Variants in RUVBL1 observed in about 807,000 individuals in gnomAD.
RUVBL1 encodes the protein ruvB-like 1.
Under a neutral mutation model 52.4 loss-of-function variants are expected in RUVBL1, and 4 were observed. That is an observed-to-expected ratio of 0.08 (90% CI 0.04 to 0.17). The LOEUF is 0.17. Among genes scored for constraint, RUVBL1 ranks in the 10% least tolerant of loss-of-function variants. The pLI is 1.00. For missense variants in RUVBL1, 298 were observed against 572.8 expected (o/e 0.52, Z 4.90); for synonymous variants, 217 against 214.4 (o/e 1.01, Z -0.10).
chr3:128,137,406 A>G (rs1367921054), intron 1 of RUVBL1, among the ~76,000 whole-genome samples: 1 of 152,206 alleles, frequency 6.6e-6, no homozygotes. Context: ...AGCAACTACT[A>G]TGAACAACTA....
chr3:128,126,301 T>A (rs1045663034), upstream of RUVBL1, among the ~76,000 whole-genome samples: 1 of 152,002 alleles, frequency 6.6e-6, no homozygotes, highest in Admixed American at 6.6e-5. Context: ...ATCCCAGCAC[T>A]CTGGGAGGCC....
rs1942007880 is a variant in RUVBL1 at position 128,067,240 on chromosome 3, C to T, written c.940-2020G>A. 7.3e-7 allele frequency: 1 copy of T among 1,378,094 alleles called. No individual in the cohort carries two copies. The highest frequency in any genetic ancestry group is 1.8e-5 in the Admixed American group (1 of 54,774). 85.4% of individuals were successfully genotyped at this position (1,378,094 alleles called of 1,614,324 possible). On this transcript the variant is annotated intron_variant, in intron 9 of 9. Transcript: ENST00000464873. The surrounding 1 kb of genome is among the most constrained non-coding windows in gnomAD (Gnocchi z 4.1). ...CTTGCTCATGAACAGATATTTCATC[C>T]AAAGATATTTTCCATTGTGCCTTTT...
Position 128,067,657 on chromosome 3 carries a change from T to A in RUVBL1, c.940-2437A>T. Reference sequence around the variant, plus strand: ...TCTGGAAGGGTGATGAAAGTGTGACTGGTATAAGGGGTGTGGACTTGTCAC... The same window carrying A: ...TCTGGAAGGGTGATGAAAGTGTGACAGGTATAAGGGGTGTGGACTTGTCAC... On this transcript the variant is annotated intron_variant, in intron 9 of 9. Coordinates refer to the RUVBL1 transcript ENST00000464873. This position sits in a 1 kb window ranked among gnomAD's most constrained non-coding sequence, Gnocchi z 4.1. The A allele has an allele frequency of 6.9e-7, 1 of 1,453,324 alleles. No homozygotes were observed. The highest frequency in any genetic ancestry group is 9.5e-7 in the Non-Finnish European group (1 of 1,048,006). 90.0% of individuals were successfully genotyped at this position (1,453,324 alleles called of 1,614,324 possible).
chr3:128,097,508 G>C lies in RUVBL1; in HGVS notation c.818-10C>G. Reference sequence around the variant, plus strand: ...TCCCCTCGAAGTTTGTCTAGGAGATGCAAGGATGGGCAGGCAAGGTCAGCA... The same window carrying C: ...TCCCCTCGAAGTTTGTCTAGGAGATCCAAGGATGGGCAGGCAAGGTCAGCA... On this transcript the variant is annotated splice_polypyrimidine_tract_variant and intron_variant, in intron 7 of 10. Coordinates refer to ENST00000322623, the MANE Select transcript of RUVBL1 (RefSeq NM_003707.3). The C allele has an allele frequency of 1.2e-6, 2 of 1,613,658 alleles. No individual in the cohort carries two copies. The highest frequency in any genetic ancestry group is 1.7e-6 in the Non-Finnish European group (2 of 1,179,560).
At chr3:128,153,425 G>A (rs867589252) in exon 1 of RUVBL1, 2 of 1,419,774 alleles carry the variant, frequency 1.4e-6, no homozygotes, top group Admixed American at 3.1e-5. Flanking sequence ...GTTACGGGGG[G>A]GCAACTTAAC....
upstream of RUVBL1, chr3:128,123,925 G>A (rs1943722977): frequency 2.4e-6 from 3 of 1,239,114 alleles, no homozygotes; most frequent in South Asian, 3.1e-5. Flanking sequence ...TAGAGCTCCG[G>A]TCACCCACTT....
At position 128,081,630 on chromosome 3, in the gene RUVBL1, A is replaced by C. The variant is rs1942479203; in HGVS notation, c.1212-221T>G. On this transcript the variant is annotated intron_variant, in intron 10 of 10. Transcript: ENST00000322623. This position sits in a 1 kb window ranked among gnomAD's most constrained non-coding sequence, Gnocchi z 4.8. ...GTCCAGGAGCCACCAAGAAGACATAAGTGCTATTCCCCAAATCTTTAGTAC... is the reference window on the plus strand; with the variant it reads ...GTCCAGGAGCCACCAAGAAGACATACGTGCTATTCCCCAAATCTTTAGTAC... 2 of 534,348 alleles carry C rather than the reference A, an allele frequency of 3.7e-6. No homozygotes were observed. Among genetic ancestry groups the C allele is most frequent in the South Asian group, 2.7e-5 (1 of 37,264 alleles). 33.1% of individuals were successfully genotyped at this position (534,348 alleles called of 1,614,324 possible).
At chr3:128,093,924 G>A (rs1311337950) in intron 8 of RUVBL1, among the ~76,000 whole-genome samples, 1 of 152,162 alleles carries the variant, frequency 6.6e-6, no homozygotes, top group Non-Finnish European at 1.5e-5. Context: ...CTTGGGGGCT[G>A]CTTGTCAAGG....
chr3:128,076,793 C>T (rs1020571330), downstream of RUVBL1, among the ~76,000 whole-genome samples: 2 of 152,100 alleles, frequency 1.3e-5, no homozygotes, highest in African/African-American at 2.4e-5. The surrounding 1 kb of genome is among the most constrained non-coding windows in gnomAD (Gnocchi z 6.8). Context: ...CCGTTCCCTG[C>T]ATGCGGCTCC....
Position 128,150,992 on chromosome 3 carries a change from ATT to A in RUVBL1, c.-40+2209_-40+2210del, listed in dbSNP as rs1330189550. 4.2e-4 allele frequency among the ~76,000 whole-genome samples: 35 copies of A among 83,416 alleles called. No homozygotes were observed. The South Asian group carries it at 5.9e-3, about 14-fold the overall frequency. 54.7% of individuals were successfully genotyped at this position (83,416 alleles called of 152,430 possible). A position where few individuals can be genotyped will look rare whatever the true frequency, so the allele number is the denominator to read the frequency against. ...ATTATATATTATATATTCTATATAT[ATT>A]ATATATATTATATTATATATTATAT... On this transcript the variant is annotated intron_variant, in intron 1 of 9. Transcript: ENST00000464873.
rs1469182310 is a variant in RUVBL1 at position 128,067,440 on chromosome 3, C to T, written c.940-2220G>A. On this transcript the variant is annotated intron_variant, in intron 9 of 9. Coordinates refer to the RUVBL1 transcript ENST00000464873. The surrounding 1 kb of genome is among the most constrained non-coding windows in gnomAD (Gnocchi z 4.1). ...CCCCAGGACACGTCTTCTGGGGGCC[C>T]AGCACGTGCTTATCCAGTTGGTGGC... 5.0e-6 allele frequency: 8 copies of T among 1,613,310 alleles called. No individual in the cohort carries two copies. The highest frequency in any genetic ancestry group is 6.8e-6 in the Non-Finnish European group (8 of 1,179,804).
At chr3:128,114,520 C>T (rs1460900783) in intron 2 of RUVBL1, among the ~76,000 whole-genome samples, 1 of 152,192 alleles carries the variant, frequency 6.6e-6, no homozygotes, top group African/African-American at 2.4e-5. Flanking sequence ...TACTAAAGTG[C>T]CATGCTAGAT....
At chr3:128,121,828 T>C (rs1943658152) in intron 1 of RUVBL1, among the ~76,000 whole-genome samples, 1 of 152,092 alleles carries the variant, frequency 6.6e-6, no homozygotes, top group South Asian at 2.1e-4. Context: ...TTACAAACCT[T>C]GGAGATGTGC....
chr3:128,097,516 G>A lies in RUVBL1; in HGVS notation c.818-18C>T. ...AAGTTTGTCTAGGAGATGCAAGGAT[G>A]GGCAGGCAAGGTCAGCACAGGGCTG... On this transcript the variant is annotated intron_variant, in intron 7 of 10. Transcript: ENST00000322623. The A allele has an allele frequency of 6.2e-7, 1 of 1,611,524 alleles. No individual in the cohort carries two copies. The highest frequency in any genetic ancestry group is 8.5e-7 in the Non-Finnish European group (1 of 1,177,686).
chr3:128,115,374 C>A (rs907302346), intron 2 of RUVBL1, among the ~76,000 whole-genome samples: 1 of 152,204 alleles, frequency 6.6e-6, no homozygotes, highest in African/African-American at 2.4e-5. Context: ...ATATCTCCTT[C>A]TTCTAAAACC....
At chr3:128,090,387 C>T (rs1056332316) in intron 8 of RUVBL1, among the ~76,000 whole-genome samples, 18 of 152,202 alleles carry the variant, frequency 1.2e-4, no homozygotes, top group South Asian at 4.1e-4. Context: ...GGCGTGGTGG[C>T]GGGCGCCTGT....
intron 1 of RUVBL1, among the ~76,000 whole-genome samples, chr3:128,146,631 C>T (rs1028685575): frequency 5.5e-5 from 8 of 145,046 alleles, no homozygotes; most frequent in South Asian, 2.2e-4. Context: ...TCTGTGTGTG[C>T]GTGCATGTAT....
At chr3:128,132,482 C>G (rs1222542610) in intron 1 of RUVBL1, among the ~76,000 whole-genome samples, 1 of 152,182 alleles carries the variant, frequency 6.6e-6, no homozygotes, top group African/African-American at 2.4e-5. Context: ...CGGAGAGACT[C>G]CTTCCTTCTG....
intron 3 of RUVBL1, among the ~76,000 whole-genome samples, chr3:128,105,460 C>T (rs1231460824): frequency 6.6e-6 from 1 of 152,090 alleles, no homozygotes; most frequent in Non-Finnish European, 1.5e-5. Context: ...GGTTCAAATC[C>T]AGAACTAGAT....
Sources: allele counts gnomAD v4.1 joint callset (sites outside exome capture counted in the v4.1 genomes callset), GRCh38; gene constraint gnomAD v4.1.1; non-coding constraint Gnocchi (gnomAD v3.1); transcripts MANE v1.5; gene names NCBI Gene and HGNC (gene_info 2026-07-23, HGNC 2026-07-21).